FNDC3A: variants seen among roughly 807,000 people sequenced by gnomAD.
The protein encoded by FNDC3A is fibronectin type-III domain-containing protein 3A.
In FNDC3A, 32 loss-of-function variants were observed where a neutral mutation model predicts 148.9. That is an observed-to-expected ratio of 0.21 (90% CI 0.16 to 0.29). The LOEUF (loss-of-function observed/expected upper bound fraction) is 0.29. FNDC3A is among the 10% of genes least tolerant of loss of function. The pLI is 1.00. For synonymous variants in FNDC3A, 472 were observed against 473.6 expected, an observed-to-expected ratio of 1.00 and a Z score of 0.04; for missense variants, 1,191 against 1,452.8, an observed-to-expected ratio of 0.82 and a Z score of 2.93.
chr13:49,173,093 C>T (rs1175356461), intron 11 of FNDC3A, among the ~76,000 whole-genome samples: 14 of 152,068 alleles, frequency 9.2e-5, no homozygotes, highest in Non-Finnish European at 2.9e-5. Flanking sequence ...TCAAAGCTGT[C>T]CTGGGCCGCA....
At chr13:49,039,238 A>C (rs1181027376) in intron 2 of FNDC3A, among the ~76,000 whole-genome samples, 1 of 152,244 alleles carries the variant, frequency 6.6e-6, no homozygotes, top group African/African-American at 2.4e-5. Context: ...GCATAGGTAT[A>C]ATCTTTTCTA....
At chr13:49,036,973 G>A (rs886258589) in intron 2 of FNDC3A, among the ~76,000 whole-genome samples, 2 of 152,180 alleles carry the variant, frequency 1.3e-5, no homozygotes, top group Non-Finnish European at 2.9e-5. Context: ...ACACTGAAAG[G>A]AGTAGAACAG....
intron 3 of FNDC3A, among the ~76,000 whole-genome samples, chr13:49,113,596 C>T (rs1399397431): frequency 6.6e-6 from 1 of 152,106 alleles, no homozygotes; most frequent in Non-Finnish European, 1.5e-5. Context: ...AGCTGAGAGC[C>T]ATTATATAAT....
chr13:49,087,265 G>C (rs1878879036), intron 3 of FNDC3A, among the ~76,000 whole-genome samples: 1 of 152,080 alleles, frequency 6.6e-6, no homozygotes, highest in South Asian at 2.1e-4. Flanking sequence ...TTAGGATCCA[G>C]AAAGATGAGT....
intron 5 of FNDC3A, 90 bp downstream of exon 5, chr13:49,131,464 A>T: frequency 1.0e-6 from 1 of 967,008 alleles, no homozygotes; most frequent in South Asian, 1.4e-5. Flanking sequence ...CATTAAAAAA[A>T]CAGCAAATGG....
chr13:49,069,354 C>T (rs1877489219), intron 2 of FNDC3A, among the ~76,000 whole-genome samples: 1 of 152,156 alleles, frequency 6.6e-6, no homozygotes, highest in South Asian at 2.1e-4. Flanking sequence ...CTTAAAATGG[C>T]TCACTAGACC....
At chr13:49,115,155 GAA>G (rs1353508623) in intron 4 of FNDC3A, among the ~76,000 whole-genome samples, 1 of 126,712 alleles carries the variant, frequency 7.9e-6, no homozygotes, top group African/African-American at 3.0e-5. Context: ...GTGTTCAATA[GAA>G]AAGAGTTTAG....
Position 49,016,851 on chromosome 13 carries a change from C to T in FNDC3A, c.99+10562C>T, listed in dbSNP as rs529618794. On this transcript the variant is annotated intron_variant, in intron 2 of 25. Coordinates refer to ENST00000492622, the MANE Select transcript of FNDC3A (RefSeq NM_001079673.2). ...AACATCTTTATTTCTGCCTTCATTT[C>T]GTTATGTACCCAGTAGTCATTCAGG... is the stretch of plus-strand genomic sequence containing the variant. Among the ~76,000 whole-genome samples, 231 of 151,638 alleles carry T rather than the reference C, an allele frequency of 1.5e-3. 5 individuals carry two copies. The highest frequency in any genetic ancestry group is 9.7e-3 in the South Asian group (46 of 4,742).
intron 4 of FNDC3A, among the ~76,000 whole-genome samples, chr13:49,118,439 G>C (rs1425282119): frequency 6.6e-6 from 1 of 152,212 alleles, no homozygotes; most frequent in Admixed American, 6.5e-5. Context: ...CATTTGGGCA[G>C]ACACTGAGCT....
At chr13:49,101,204 C>G (rs1410016048) in intron 3 of FNDC3A, among the ~76,000 whole-genome samples, 2 of 152,112 alleles carry the variant, frequency 1.3e-5, no homozygotes, top group Non-Finnish European at 2.9e-5. Flanking sequence ...TCAGTCACTC[C>G]CTGGCAATAG....
intron 2 of FNDC3A, among the ~76,000 whole-genome samples, chr13:49,065,410 T>C (rs2137753475): frequency 6.6e-6 from 1 of 152,346 alleles, no homozygotes; most frequent in African/African-American, 2.4e-5. Flanking sequence ...TGTGATTCAC[T>C]GGGGACCACC....
chr13:48,984,416 G>A (rs866647779), intron 1 of FNDC3A, among the ~76,000 whole-genome samples: 3 of 152,218 alleles, frequency 2.0e-5, no homozygotes, highest in Middle Eastern at 3.4e-3. Context: ...ATCAAAGGTC[G>A]AAACATTATA....
intron 2 of FNDC3A, among the ~76,000 whole-genome samples, chr13:49,013,619 CACGTGTAT>C (rs1952417009): frequency 1.3e-5 from 2 of 151,274 alleles, no homozygotes; most frequent in South Asian, 2.1e-4. Context: ...TACATGTGTA[CACGTGTAT>C]ACATGTATAC....
intron 2 of FNDC3A, among the ~76,000 whole-genome samples, chr13:49,063,117 G>T (rs559455075): frequency 6.6e-5 from 10 of 152,206 alleles, no homozygotes; most frequent in African/African-American, 2.2e-4. Flanking sequence ...GATAGGATTT[G>T]ATCCAATAAG....
At chr13:49,101,009 C>G (rs183984845) in intron 3 of FNDC3A, among the ~76,000 whole-genome samples, 1 of 152,250 alleles carries the variant, frequency 6.6e-6, no homozygotes, top group African/African-American at 2.4e-5. Flanking sequence ...AAATCAGCGA[C>G]TATCTGGTGA....
chr13:49,147,519 C>T (rs1016425580), intron 8 of FNDC3A, among the ~76,000 whole-genome samples: 1 of 150,442 alleles, frequency 6.6e-6, no homozygotes, highest in Non-Finnish European at 1.5e-5. Flanking sequence ...AATAGGGAAT[C>T]GTGATTTTAA....
At chr13:48,998,906 A>C (rs564783959) in intron 1 of FNDC3A, among the ~76,000 whole-genome samples, 31 of 152,338 alleles carry the variant, frequency 2.0e-4, no homozygotes, top group African/African-American at 7.2e-4. Flanking sequence ...TAAAGGAAAT[A>C]GAGAACATGG....
At chr13:49,120,811 T>C (rs968534483) in intron 4 of FNDC3A, among the ~76,000 whole-genome samples, 19 of 152,162 alleles carry the variant, frequency 1.2e-4, no homozygotes, top group African/African-American at 4.6e-4. Context: ...TAAATATATA[T>C]GAACCCAATA....
At chr13:49,029,986 G>A (rs1362342943) in intron 2 of FNDC3A, among the ~76,000 whole-genome samples, 1 of 152,092 alleles carries the variant, frequency 6.6e-6, no homozygotes, top group Non-Finnish European at 1.5e-5. Flanking sequence ...CTGTCACCAA[G>A]GTAAAGTCCA....
Sources: gnomAD v4.1 joint callset for allele counts (sites outside exome capture counted in the v4.1 genomes callset) on GRCh38, gnomAD v4.1.1 for gene constraint, MANE v1.5 for transcripts, NCBI Gene and HGNC (gene_info 2026-07-23, HGNC 2026-07-21) for gene names.